The following KIAA0825 variants were observed in gnomAD, a reference collection of about 807,000 sequenced individuals.
KIAA0825 encodes KIAA0825.
KIAA0825 carries 119 observed loss-of-function variants against 147.6 expected under a neutral mutation model. The observed-to-expected ratio is 0.81, with a 90% CI of 0.69 to 0.94. The LOEUF (loss-of-function observed/expected upper bound fraction) is 0.94. Ranked by LOEUF, KIAA0825 falls within the 40% of genes least tolerant of loss-of-function variation. KIAA0825 has a pLI of 0.00. For missense variants in KIAA0825, 1,381 were observed against 1,472.7 expected, an observed-to-expected ratio of 0.94 and a Z score of 1.02; for synonymous variants, 470 against 518.1, an observed-to-expected ratio of 0.91 and a Z score of 1.26.
chr5:94,378,288 T>C (rs1052075945), intron 20 of KIAA0825, among the ~76,000 whole-genome samples: 1 of 152,172 alleles, frequency 6.6e-6, no homozygotes, highest in African/African-American at 2.4e-5. Context: ...TCAGAGTCTG[T>C]TGATCCCTTC....
chr5:94,234,921 A>G (rs1774955857), intron 20 of KIAA0825, among the ~76,000 whole-genome samples: 1 of 152,152 alleles, frequency 6.6e-6, no homozygotes, highest in Non-Finnish European at 1.5e-5. Context: ...CGCCCACAGA[A>G]GATGGTGAAC....
intron 14 of KIAA0825, among the ~76,000 whole-genome samples, chr5:94,439,054 G>A (rs568612940): frequency 4.6e-5 from 7 of 152,314 alleles, no homozygotes; most frequent in South Asian, 2.1e-4. Context: ...AGATAGGTGA[G>A]CCAAGGTGTG....
At chr5:94,371,832 A>T (rs1248826814) in intron 20 of KIAA0825, among the ~76,000 whole-genome samples, 1 of 152,176 alleles carries the variant, frequency 6.6e-6, no homozygotes, top group Admixed American at 6.5e-5. Flanking sequence ...TCACTCCAAC[A>T]TTAACCCAAA....
At chr5:94,432,138 C>A (rs1390335938) in intron 14 of KIAA0825, among the ~76,000 whole-genome samples, 3 of 152,086 alleles carry the variant, frequency 2.0e-5, no homozygotes, top group Non-Finnish European at 4.4e-5. Context: ...GAGGACAAGC[C>A]ACATACTCAA....
chr5:94,504,513 A>G (rs1765477825), intron 5 of KIAA0825, among the ~76,000 whole-genome samples: 1 of 152,188 alleles, frequency 6.6e-6, no homozygotes, highest in South Asian at 2.1e-4. Context: ...CCCAAGTGGC[A>G]TGAGTGATTC....
chr5:94,550,588 A>T (rs757139179), intron 2 of KIAA0825, among the ~76,000 whole-genome samples: 2 of 152,218 alleles, frequency 1.3e-5, no homozygotes, highest in African/African-American at 2.4e-5. Context: ...CACACCTGTA[A>T]TCCCAGCACT....
chr5:94,597,984 T>A (rs1277003265), intron 1 of KIAA0825, among the ~76,000 whole-genome samples: 1 of 152,282 alleles, frequency 6.6e-6, no homozygotes, highest in East Asian at 1.9e-4. Context: ...AGTCAGTGAA[T>A]GGTGAGTGAA....
intron 16 of KIAA0825, among the ~76,000 whole-genome samples, chr5:94,397,867 T>C (rs567346742): frequency 1.3e-5 from 2 of 152,256 alleles, no homozygotes; most frequent in African/African-American, 4.8e-5. Flanking sequence ...CTGTTAAGCA[T>C]TCCACTTCTG....
chr5:94,489,926 C>T, intron 5 of KIAA0825, among the ~76,000 whole-genome samples: 1 of 149,530 alleles, frequency 6.7e-6, no homozygotes, highest in Middle Eastern at 3.2e-3. Flanking sequence ...GGAAGTCTAA[C>T]TAGTAGCTAG....
chr5:94,154,073 C>T lies in KIAA0825; in HGVS notation c.3762G>A (p.Leu1254=). Residue 1254 remains leucine (L), a synonymous_variant, in exon 21 of 21, where the codon CTG becomes CTA. Coordinates refer to ENST00000682413, the MANE Select transcript of KIAA0825 (RefSeq NM_001145678.3). ...GGGTGCAAATTTGTTTTAAGTGCTCCAGTATTGCTTTTTCTTCCTCTTCTA... is the reference window on the plus strand; with the variant it reads ...GGGTGCAAATTTGTTTTAAGTGCTCTAGTATTGCTTTTTCTTCCTCTTCTA... ...ETLEEEEKAI[L]EHLKQICTPQ... 1 of 1,551,680 alleles carries T rather than the reference C, an allele frequency of 6.4e-7. No individual in the cohort carries two copies. The highest frequency in any genetic ancestry group is 8.7e-7 in the Non-Finnish European group (1 of 1,146,972).
At chr5:94,156,844 T>A (rs1767072087) in intron 20 of KIAA0825, among the ~76,000 whole-genome samples, 1 of 152,200 alleles carries the variant, frequency 6.6e-6, no homozygotes. Context: ...TCATATTGAA[T>A]GAAAGCATTA....
chr5:94,584,794 G>A (rs1782935769), intron 1 of KIAA0825, among the ~76,000 whole-genome samples: 2 of 152,144 alleles, frequency 1.3e-5, no homozygotes, highest in African/African-American at 4.8e-5. Context: ...CAGAGAGAAA[G>A]GTCATGTTAC....
intron 20 of KIAA0825, among the ~76,000 whole-genome samples, chr5:94,294,054 C>T (rs989653004): frequency 2.6e-5 from 4 of 152,182 alleles, no homozygotes; most frequent in Admixed American, 2.6e-4. Context: ...CTGAATACAA[C>T]ACACTGATGG....
intron 20 of KIAA0825, among the ~76,000 whole-genome samples, chr5:94,263,745 G>A (rs1776611962): frequency 6.6e-6 from 1 of 151,406 alleles, no homozygotes; most frequent in Middle Eastern, 3.4e-3. Flanking sequence ...TTTTATGCCT[G>A]TTGCCCTGCA....
intron 20 of KIAA0825, among the ~76,000 whole-genome samples, chr5:94,175,617 C>A (rs1257728948): frequency 6.6e-6 from 1 of 152,152 alleles, no homozygotes; most frequent in Non-Finnish European, 1.5e-5. Flanking sequence ...TTCTAAGTTT[C>A]TCTCCCTTAT....
intron 5 of KIAA0825, among the ~76,000 whole-genome samples, chr5:94,487,079 T>C (rs1040634635): frequency 5.3e-5 from 8 of 152,192 alleles, no homozygotes; most frequent in Non-Finnish European, 8.8e-5. Flanking sequence ...GAGTGCTTGC[T>C]ACTTGCTGAC....
At position 94,151,423 on chromosome 5, in the gene KIAA0825, C is replaced by CAAAAAA. The variant is rs11363132; in HGVS notation, c.*2578_*2583dup. Among the ~76,000 whole-genome samples, 1 of 21,546 alleles carries CAAAAAA rather than the reference C, an allele frequency of 4.6e-5. No individual in the cohort carries two copies. Among genetic ancestry groups the CAAAAAA allele is most frequent in the Non-Finnish European group, 9.1e-5 (1 of 10,932 alleles). The allele number at this position is 21,546 out of a possible 152,430, so 14.1% of individuals were successfully genotyped here. A position where few individuals can be genotyped will look rare whatever the true frequency, so the allele number is the denominator to read the frequency against. On this transcript the variant is annotated 3_prime_UTR_variant, in exon 21 of 21. Transcript: ENST00000682413. ...TGGGCGACAGAGCGAGACTCCGTCT[C>CAAAAAA]AAAAAAAAAAAAAAAAAAAAAAAAA...
At chr5:94,423,258 C>A (rs1754432145) in intron 14 of KIAA0825, among the ~76,000 whole-genome samples, 1 of 152,188 alleles carries the variant, frequency 6.6e-6, no homozygotes, top group Non-Finnish European at 1.5e-5. Context: ...GTCACATATT[C>A]TCTGACCCAG....
chr5:94,473,223 T>C (rs2150997734), intron 8 of KIAA0825, 69 bp downstream of exon 8: 7 of 1,246,734 alleles, frequency 5.6e-6, no homozygotes, highest in Middle Eastern at 1.9e-4. Flanking sequence ...AGGTCCTTTT[T>C]GCAATGCCTT....
Sources: gnomAD v4.1 joint callset for allele counts (sites outside exome capture counted in the v4.1 genomes callset) on GRCh38, gnomAD v4.1.1 for gene constraint, MANE v1.5 for transcripts, NCBI Gene and HGNC (gene_info 2026-07-23, HGNC 2026-07-21) for gene names.